MORN1: variants seen among roughly 807,000 people sequenced by gnomAD.
MORN1 encodes the protein MORN repeat containing 1.
A neutral mutation model predicts 61.9 loss-of-function variants in MORN1; 67 were observed. The ratio of observed to expected loss-of-function variants is 1.08; its 90% CI spans 0.89 to 1.33. The LOEUF (loss-of-function observed/expected upper bound fraction) is 1.33, where lower values mean the gene tolerates loss of function less well. Among genes scored for constraint, MORN1 ranks in the 40% most tolerant of loss-of-function variants. MORN1 has a pLI of 0.00. For missense variants in MORN1, 752 were observed against 691.2 expected (o/e 1.09, Z -0.99); for synonymous variants, 301 against 292.0 (o/e 1.03, Z -0.31).
intron 12 of MORN1, among the ~76,000 whole-genome samples, chr1:2,336,057 C>T (rs1569933956): frequency 6.6e-6 from 1 of 152,310 alleles, no homozygotes; most frequent in East Asian, 1.9e-4. Flanking sequence ...CCGCGGTGTG[C>T]ACCTGGTCCC....
chr1:2,342,151 C>T (rs542846904), intron 10 of MORN1, among the ~76,000 whole-genome samples: 1 of 152,400 alleles, frequency 6.6e-6, no homozygotes, highest in Admixed American at 6.5e-5. Flanking sequence ...GCCTCGGGAA[C>T]CGAGAGGCTG....
At chr1:2,339,152 G>C (rs1334209541) in intron 10 of MORN1, among the ~76,000 whole-genome samples, 1 of 152,188 alleles carries the variant, frequency 6.6e-6, no homozygotes, top group Non-Finnish European at 1.5e-5. Context: ...AGAGAAACGA[G>C]AAATGGTGAA....
At chr1:2,355,268 G>A (rs1195054187) in intron 10 of MORN1, 2 of 1,429,652 alleles carry the variant, frequency 1.4e-6, no homozygotes, top group Non-Finnish European at 1.8e-6. Flanking sequence ...AGACAAGGGG[G>A]CGCGGGCCGG....
intron 10 of MORN1, among the ~76,000 whole-genome samples, chr1:2,347,807 C>A (rs1228458145): frequency 6.6e-6 from 1 of 152,216 alleles, no homozygotes; most frequent in Non-Finnish European, 1.5e-5. Flanking sequence ...GCCGGGTGCA[C>A]AGGTATTTTA....
intron 12 of MORN1, chr1:2,332,635 C>T (rs1157959452): frequency 2.2e-6 from 1 of 456,558 alleles, no homozygotes; most frequent in Non-Finnish European, 4.4e-6. Context: ...GGCGTCTGGA[C>T]ATGGAAGGGG....
chr1:2,357,550 C>A lies in MORN1; in HGVS notation c.918G>T (p.Val306=), dbSNP rs1416222505. ...CTCCCTTGGCAGCTCTGGGCCCCGG[C>A]ACCCCAGCTGCGGGGCTGGACACAG... The part of the protein sequence containing the change: ...PYPVSSPAAG[V]PGPRAAKGGA... Residue 306 remains valine, a synonymous_variant, in exon 10 of 14, where the codon GTG becomes GTT. Transcript: ENST00000378531. The surrounding 1 kb of genome is among the most constrained non-coding windows in gnomAD (Gnocchi z 6.3). The A allele has an allele frequency of 6.2e-7, 1 of 1,612,054 alleles. No individual in the cohort carries two copies. The highest frequency in any genetic ancestry group is 1.1e-5 in the South Asian group (1 of 90,942).
At chr1:2,355,200 T>C (rs1400333838) in intron 10 of MORN1, 5 of 1,269,408 alleles carry the variant, frequency 3.9e-6, no homozygotes, top group African/African-American at 1.5e-5. Flanking sequence ...TATGCAGAAA[T>C]ATGAGAGCTA....
chr1:2,378,832 G>C (rs1454052030), intron 6 of MORN1: 1 of 432,964 alleles, frequency 2.3e-6, no homozygotes, highest in East Asian at 7.1e-5. Context: ...GGACGGAGAT[G>C]GCTGAGGCGT....
chr1:2,325,136 C>CTTCCTTCCCTCCCTCCCTTCCT (rs112563477), intron 12 of MORN1, among the ~76,000 whole-genome samples: 1 of 5,322 alleles, frequency 1.9e-4, no homozygotes, highest in African/African-American at 7.6e-4. Flanking sequence ...CCTTCCTTCC[C>CTTCCTTCCCTCCCTCCCTTCCT]TCCCTCCCTC....
chr1:2,357,281 G>A lies in MORN1; in HGVS notation c.1036+151C>T, dbSNP rs1425729377. Reference sequence around the variant, plus strand: ...CTTGTCTGGGGATGTGGGCTGCCCGGCCCTGCCTCCTTTCACCCACGCGTG... The same window carrying A: ...CTTGTCTGGGGATGTGGGCTGCCCGACCCTGCCTCCTTTCACCCACGCGTG... On this transcript the variant is annotated intron_variant, in intron 10 of 13. Coordinates refer to ENST00000378531, the MANE Select transcript of MORN1 (RefSeq NM_024848.3). The surrounding 1 kb of genome is among the most constrained non-coding windows in gnomAD (Gnocchi z 6.3). 1.7e-5 allele frequency: 13 copies of A among 783,316 alleles called. No individual in the cohort carries two copies. The highest frequency in any genetic ancestry group is 5.8e-5 in the East Asian group (2 of 34,358). 48.5% of individuals were successfully genotyped at this position (783,316 alleles called of 1,614,324 possible). A position where few individuals can be genotyped will look rare whatever the true frequency, so the allele number is the denominator to read the frequency against.
intron 13 of MORN1, chr1:2,322,111 C>T: frequency 8.1e-6 from 8 of 985,402 alleles, no homozygotes; most frequent in Non-Finnish European, 9.6e-6. Context: ...CCGGGTGGGG[C>T]TGGAGGGCGG....
At chr1:2,367,454 T>C (rs1642021829) in intron 8 of MORN1, among the ~76,000 whole-genome samples, 1 of 117,780 alleles carries the variant, frequency 8.5e-6, no homozygotes, top group Non-Finnish European at 1.8e-5. Flanking sequence ...ATTCTGTCTC[T>C]ACAAAAAAAA....
intron 3 of MORN1, chr1:2,387,999 T>C (rs1350310260): frequency 2.0e-6 from 1 of 503,412 alleles, no homozygotes; most frequent in African/African-American, 1.9e-5. Context: ...AAAAAAGAAA[T>C]AGTGTAACTT....
chr1:2,335,829 A>AGCCCAGCCCAGCCCAGCCCAGCCCG (rs1641258539), intron 12 of MORN1, among the ~76,000 whole-genome samples: 1 of 139,352 alleles, frequency 7.2e-6, no homozygotes, highest in African/African-American at 3.4e-5. Context: ...TCGCCTCCAT[A>AGCCCAGCCCAGCCCAGCCCAGCCCG]GCCCAGCCCA....
At chr1:2,387,881 C>A (rs899606006) in intron 3 of MORN1, 12 of 426,940 alleles carry the variant, frequency 2.8e-5, no homozygotes, top group East Asian at 7.9e-5. Context: ...AACCCACCGA[C>A]CCCTCTGGCG....
At chr1:2,349,241 G>C (rs1421237067) in intron 10 of MORN1, among the ~76,000 whole-genome samples, 1 of 152,234 alleles carries the variant, frequency 6.6e-6, no homozygotes, top group Non-Finnish European at 1.5e-5. Context: ...ACCTGTGGAG[G>C]AGGAGGGAAC....
intron 8 of MORN1, among the ~76,000 whole-genome samples, chr1:2,361,511 T>C (rs1641889670): frequency 6.6e-6 from 1 of 151,782 alleles, no homozygotes; most frequent in Non-Finnish European, 1.5e-5. Flanking sequence ...TGAGCCGAGA[T>C]TGTACTACTG....
chr1:2,385,943 G>A, intron 4 of MORN1, 46 bp from the exon 5 acceptor site: 1 of 1,533,550 alleles, frequency 6.5e-7, no homozygotes. Flanking sequence ...GCCTCCTCCT[G>A]CATCTGAGAA....
chr1:2,322,595 GA>G (rs1168656385), intron 13 of MORN1: 2 of 985,362 alleles, frequency 2.0e-6, no homozygotes, highest in Non-Finnish European at 2.4e-6. Context: ...TCGCCAGGGG[GA>G]CACACGTTCT....
Sources: allele counts gnomAD v4.1 joint callset (sites outside exome capture counted in the v4.1 genomes callset), GRCh38; gene constraint gnomAD v4.1.1; non-coding constraint Gnocchi (gnomAD v3.1); transcripts MANE v1.5; gene names NCBI Gene and HGNC (gene_info 2026-07-23, HGNC 2026-07-21).